The following WWOX variants were observed in gnomAD, a reference collection of about 807,000 sequenced individuals.
The protein encoded by WWOX is WW domain containing oxidoreductase, also known as WW domain-containing oxidoreductase.
Under a neutral mutation model 46.2 loss-of-function variants are expected in WWOX, and 69 were observed. That is an observed-to-expected ratio of 1.49 (90% CI 1.23 to 1.82). The LOEUF is 1.82. Ranked by LOEUF, WWOX falls within the 40% of genes most tolerant of loss-of-function variation. The probability of loss-of-function intolerance (pLI) is 0.00; values close to 1 mark genes in which losing one functional copy is unlikely to be tolerated. For missense variants in WWOX, 919 were observed against 542.6 expected, an observed-to-expected ratio of 1.69 and a Z score of -6.89; for synonymous variants, 359 against 202.6, an observed-to-expected ratio of 1.77 and a Z score of -6.56.
intron 5 of WWOX, among the ~76,000 whole-genome samples, chr16:78,315,836 T>C (rs1295914712): frequency 6.6e-6 from 1 of 151,994 alleles, no homozygotes; most frequent in Non-Finnish European, 1.5e-5. Context: ...AAAAAATACA[T>C]AGAAGATAAG....
At chr16:78,901,871 G>A (rs899083240) in intron 8 of WWOX, among the ~76,000 whole-genome samples, 3 of 152,162 alleles carry the variant, frequency 2.0e-5, no homozygotes, top group African/African-American at 4.8e-5. Flanking sequence ...GAATTCACAC[G>A]GGCCTCTCCT....
At chr16:78,768,858 A>G (rs909389212) in intron 8 of WWOX, among the ~76,000 whole-genome samples, 9 of 152,164 alleles carry the variant, frequency 5.9e-5, no homozygotes, top group Non-Finnish European at 8.8e-5. Context: ...TCAAAGAGAA[A>G]GGAGAGCATG....
At chr16:78,907,212 G>A (rs1245921132) in intron 8 of WWOX, among the ~76,000 whole-genome samples, 1 of 152,122 alleles carries the variant, frequency 6.6e-6, no homozygotes, top group African/African-American at 2.4e-5. Context: ...AAACCCTTGT[G>A]CCCTGAATCC....
chr16:79,211,905 G>C lies in WWOX; in HGVS notation c.*109G>C. 1 of 1,554,828 alleles carries C rather than the reference G, an allele frequency of 6.4e-7. No individual in the cohort carries two copies. The highest frequency in any genetic ancestry group is 8.7e-7 in the Non-Finnish European group (1 of 1,154,020). The stretch of plus-strand genomic sequence containing the variant: ...GTCCCTCCAACACAGATCCGCAAGA[G>C]TAAAGGAAATAAGAGCAGTCACAAC... On this transcript the variant is annotated 3_prime_UTR_variant, in exon 9 of 9. Transcript: ENST00000566780.
intron 4 of WWOX, among the ~76,000 whole-genome samples, chr16:78,150,025 C>T (rs964377838): frequency 6.6e-6 from 1 of 152,116 alleles, no homozygotes; most frequent in African/African-American, 2.4e-5. Flanking sequence ...CAGCACAGAC[C>T]CCATGGTTGA....
At chr16:78,747,891 G>C (rs117122605) in intron 8 of WWOX, among the ~76,000 whole-genome samples, 1 of 152,120 alleles carries the variant, frequency 6.6e-6, no homozygotes, top group East Asian at 1.9e-4. Flanking sequence ...CCACCTGTCA[G>C]TGGAGGGGCA....
intron 8 of WWOX, among the ~76,000 whole-genome samples, chr16:78,795,686 G>A (rs1185326722): frequency 2.0e-5 from 3 of 152,112 alleles, no homozygotes; most frequent in African/African-American, 7.2e-5. Flanking sequence ...AGTCAGCATT[G>A]GGTGTGGCTC....
intron 8 of WWOX, among the ~76,000 whole-genome samples, chr16:78,851,100 T>A (rs994266874): frequency 6.6e-6 from 1 of 152,126 alleles, no homozygotes; most frequent in African/African-American, 2.4e-5. Flanking sequence ...TCCAGAAGCT[T>A]GCCTGTGGTA....
At chr16:78,673,280 G>A (rs1005193841) in intron 8 of WWOX, among the ~76,000 whole-genome samples, 46 of 152,302 alleles carry the variant, frequency 3.0e-4, no homozygotes, top group African/African-American at 1.1e-3. Flanking sequence ...TGCAGAATAA[G>A]CACTAGCCTT....
rs188643446 is a variant in WWOX at position 78,621,430 on chromosome 16, C to A, written c.1056+188678C>A. Among the ~76,000 whole-genome samples, 4 of 151,870 alleles carry A rather than the reference C, an allele frequency of 2.6e-5. No homozygotes were observed. The East Asian group carries it at 7.8e-4, about 30-fold the overall frequency. On this transcript the variant is annotated intron_variant, in intron 8 of 8. Transcript: ENST00000566780. ...CTCCCCTGGTAACTGATTTATTTTT[C>A]CCTCTTGGAGTTGCTTATTCTTTTC...
chr16:78,910,235 A>G (rs186361814), intron 8 of WWOX, among the ~76,000 whole-genome samples: 8 of 152,228 alleles, frequency 5.3e-5, no homozygotes, highest in Non-Finnish European at 7.4e-5. Context: ...GGGGAGATTT[A>G]CAAGCCAGTG....
chr16:78,826,085 A>G, intron 8 of WWOX: 1 of 351,786 alleles, frequency 2.8e-6, no homozygotes, highest in Non-Finnish European at 5.1e-6. Context: ...TACAAAGACA[A>G]CCGGGAATGC....
At chr16:79,107,571 C>G (rs892969110) in intron 8 of WWOX, among the ~76,000 whole-genome samples, 1 of 152,210 alleles carries the variant, frequency 6.6e-6, no homozygotes, top group African/African-American at 2.4e-5. Context: ...ACCAGCCTGA[C>G]TTAGCAGCCT....
intron 5 of WWOX, among the ~76,000 whole-genome samples, chr16:78,188,162 T>G (rs1428878512): frequency 1.3e-5 from 2 of 152,102 alleles, no homozygotes; most frequent in East Asian, 3.9e-4. Context: ...TTTATCAAAG[T>G]GGTGAGAAGA....
intron 8 of WWOX, among the ~76,000 whole-genome samples, chr16:78,579,582 A>G (rs1340822925): frequency 1.3e-5 from 2 of 152,138 alleles, no homozygotes; most frequent in African/African-American, 4.8e-5. Context: ...TGGCTTTCTA[A>G]TTAAGAAACA....
intron 8 of WWOX, among the ~76,000 whole-genome samples, chr16:79,065,146 G>A (rs535841139): frequency 2.3e-4 from 35 of 152,278 alleles, no homozygotes; most frequent in South Asian, 1.5e-3. Flanking sequence ...CAGATAAACC[G>A]TAAAAACTTG....
intron 6 of WWOX, among the ~76,000 whole-genome samples, chr16:78,424,292 T>G (rs2083025433): frequency 6.6e-6 from 1 of 151,944 alleles, no homozygotes. Context: ...TAATTTTTTT[T>G]GTGTTTTGAC....
intron 8 of WWOX, among the ~76,000 whole-genome samples, chr16:78,869,641 C>T (rs1279557509): frequency 1.3e-5 from 2 of 152,174 alleles, no homozygotes; most frequent in Non-Finnish European, 2.9e-5. Flanking sequence ...GTTACTGATT[C>T]TGCGGTATTT....
chr16:78,717,268 A>G (rs1205697849), intron 8 of WWOX, among the ~76,000 whole-genome samples: 1 of 152,206 alleles, frequency 6.6e-6, no homozygotes, highest in Non-Finnish European at 1.5e-5. Context: ...ACCATGGAAT[A>G]TAGAGATCCA....
Sources: gnomAD v4.1 joint callset for allele counts (sites outside exome capture counted in the v4.1 genomes callset) on GRCh38, gnomAD v4.1.1 for gene constraint, MANE v1.5 for transcripts, NCBI Gene and HGNC (gene_info 2026-07-23, HGNC 2026-07-21) for gene names.